The following TNIP3 variants were observed in gnomAD, a reference collection of about 807,000 sequenced individuals.
TNIP3 encodes TNFAIP3-interacting protein 3.
TNIP3 carries 34 observed loss-of-function variants against 54.1 expected under a neutral mutation model. The ratio of observed to expected loss-of-function variants is 0.63; its 90% CI spans 0.48 to 0.84. The LOEUF is 0.84. Among genes scored for constraint, TNIP3 ranks in the 40% least tolerant of loss-of-function variants. The probability of loss-of-function intolerance (pLI) is 0.00; values close to 1 mark genes in which losing one functional copy is unlikely to be tolerated. For synonymous variants in TNIP3, 134 were observed against 136.8 expected, an observed-to-expected ratio of 0.98 and a Z score of 0.14; for missense variants, 366 against 387.6, an observed-to-expected ratio of 0.94 and a Z score of 0.47.
chr4:121,150,199 A>T lies in TNIP3; in HGVS notation c.513T>A (p.Asn171Lys), dbSNP rs200989681. 1 of 1,613,226 alleles carries T rather than the reference A, an allele frequency of 6.2e-7. No individual in the cohort carries two copies. Residue 171 changes from asparagine (N) to lysine (K), a missense_variant, in exon 6 of 11, where the codon AAT becomes AAA. Coordinates refer to ENST00000057513, the MANE Select transcript of TNIP3 (RefSeq NM_024873.6). ...AGTCCTCGGAAAATGAACACTTGATATTCAAGGCATCCTGAAGAGCCTACG... is the reference window on the plus strand; with the variant it reads ...AGTCCTCGGAAAATGAACACTTGATTTTCAAGGCATCCTGAAGAGCCTACG... ...RLNKALQDAL[N>K]IKCSFSEDCL...
upstream of TNIP3, among the ~76,000 whole-genome samples, chr4:121,218,304 A>C (rs1307674370): frequency 6.6e-6 from 1 of 152,200 alleles, no homozygotes; most frequent in Non-Finnish European, 1.5e-5. Flanking sequence ...ATTTACAAAT[A>C]ATATCTTAGA....
upstream of TNIP3, among the ~76,000 whole-genome samples, chr4:121,165,010 A>G (rs116321961): frequency 0.02 from 3,008 of 152,172 alleles, 85 homozygotes; most frequent in African/African-American, 0.063. Context: ...TTGGAGCTGC[A>G]TAAGTGAACT....
At chr4:121,202,830 C>A (rs560808230) in intron 2 of TNIP3, among the ~76,000 whole-genome samples, 1 of 152,146 alleles carries the variant, frequency 6.6e-6, no homozygotes, top group African/African-American at 2.4e-5. Context: ...AAACAATGCT[C>A]AATTCACTAA....
intron 3 of TNIP3, among the ~76,000 whole-genome samples, chr4:121,176,026 A>G (rs1724307297): frequency 6.6e-6 from 1 of 152,190 alleles, no homozygotes; most frequent in Non-Finnish European, 1.5e-5. Context: ...TAATGAATGG[A>G]AGGAGAAATA....
intron 3 of TNIP3, chr4:121,182,638 G>A: frequency 6.5e-7 from 1 of 1,531,642 alleles, no homozygotes; most frequent in Non-Finnish European, 8.7e-7. Context: ...ACTGCTGAAG[G>A]GTACATCGAG....
intron 9 of TNIP3, among the ~76,000 whole-genome samples, chr4:121,140,819 C>T (rs979820711): frequency 2.6e-5 from 4 of 152,166 alleles, no homozygotes; most frequent in African/African-American, 7.2e-5. Flanking sequence ...CCCGCAATAA[C>T]ATGAAAAGAC....
chr4:121,161,231 A>C lies in TNIP3; in HGVS notation c.67-15T>G. Reference sequence around the variant, plus strand: ...GGTTCAGCACACTTAGAAAAAAAAAAAGAGAGAAGATTGAAACAAAGCTGT... The same window carrying C: ...GGTTCAGCACACTTAGAAAAAAAAACAGAGAGAAGATTGAAACAAAGCTGT... On this transcript the variant is annotated splice_polypyrimidine_tract_variant and intron_variant, in intron 1 of 10. Transcript: ENST00000057513. 6.5e-7 allele frequency: 1 copy of C among 1,543,174 alleles called. No homozygotes were observed. The highest frequency in any genetic ancestry group is 8.7e-7 in the Non-Finnish European group (1 of 1,143,854).
chr4:121,179,851 G>A (rs1049013878), intron 3 of TNIP3, among the ~76,000 whole-genome samples: 3 of 151,914 alleles, frequency 2.0e-5, no homozygotes, highest in African/African-American at 7.3e-5. Context: ...AGATATAGCA[G>A]GAAATATATT....
chr4:121,154,768 G>A, intron 4 of TNIP3, 89 bp from the exon 5 acceptor site: 1 of 1,229,276 alleles, frequency 8.1e-7, no homozygotes. Flanking sequence ...AGCCATGGCA[G>A]GCAGATTGAG....
At chr4:121,164,990 T>C (rs1180409537), upstream of TNIP3, among the ~76,000 whole-genome samples, 4 of 151,820 alleles carry the variant, frequency 2.6e-5, no homozygotes, top group African/African-American at 4.8e-5. Context: ...AGCGTGGAAA[T>C]GGCAGATACT....
chr4:121,222,034 C>T (rs1222473903), intron 1 of TNIP3, among the ~76,000 whole-genome samples: 1 of 152,084 alleles, frequency 6.6e-6, no homozygotes, highest in Non-Finnish European at 1.5e-5. Context: ...CCCTGAATGT[C>T]GATCACCAGC....
At chr4:121,223,836 A>C (rs112804823) in intron 1 of TNIP3, among the ~76,000 whole-genome samples, 5,064 of 152,302 alleles carry the variant, frequency 0.033, 290 homozygotes, top group African/African-American at 0.12. Flanking sequence ...ATTTCCATCA[A>C]ATTTTCAGCA....
intron 8 of TNIP3, 139 bp downstream of exon 8, chr4:121,142,587 C>A: frequency 1.3e-6 from 1 of 741,892 alleles, no homozygotes; most frequent in Non-Finnish European, 2.3e-6. Flanking sequence ...ACTGTCTATC[C>A]GTTGATGGTG....
intron 2 of TNIP3, among the ~76,000 whole-genome samples, chr4:121,186,484 C>A (rs948185959): frequency 1.3e-5 from 2 of 152,172 alleles, no homozygotes; most frequent in African/African-American, 2.4e-5. Context: ...CATTGTGATG[C>A]AGTAGAAAAT....
At chr4:121,178,981 G>C (rs750843511) in intron 3 of TNIP3, among the ~76,000 whole-genome samples, 20 of 152,188 alleles carry the variant, frequency 1.3e-4, no homozygotes, top group Non-Finnish European at 2.2e-4. Context: ...AAAGATGTAG[G>C]ACAAAGCAGG....
intron 4 of TNIP3, 144 bp downstream of exon 4, chr4:121,156,950 T>C (rs1292336697): frequency 1.0e-6 from 1 of 1,001,662 alleles, no homozygotes; most frequent in Admixed American, 2.3e-5. Context: ...CTTGGGGACT[T>C]GCGTAACCCA....
Position 121,141,827 on chromosome 4 carries a change from G to C in TNIP3, c.874C>G (p.Arg292Gly), listed in dbSNP as rs376189789. The change falls in exon 9 of 11, where the codon CGG (arginine) becomes GGG (glycine). Residue 292 changes from arginine to glycine, a missense_variant. Coordinates refer to ENST00000057513, the MANE Select transcript of TNIP3 (RefSeq NM_024873.6). ...GCACTCTTACTTACTGGGTGCTCCCGTTGCTTCTGCACAGCTCCAGGGCCT... is the reference window on the plus strand; with the variant it reads ...GCACTCTTACTTACTGGGTGCTCCCCTTGCTTCTGCACAGCTCCAGGGCCT... Reference protein sequence around the residue: ...PTGPGAVQKQREHPPDYQWYA... With the variant: ...PTGPGAVQKQGEHPPDYQWYA... 7 of 1,542,500 alleles carry C rather than the reference G, an allele frequency of 4.5e-6. No homozygotes were observed. Among genetic ancestry groups the C allele is most frequent in the Non-Finnish European group, 8.7e-7 (1 of 1,143,912 alleles).
At chr4:121,183,274 C>T (rs1579455974) in intron 2 of TNIP3, among the ~76,000 whole-genome samples, 2 of 152,202 alleles carry the variant, frequency 1.3e-5, no homozygotes, top group African/African-American at 4.8e-5. Context: ...CTGCCTCAAC[C>T]ATTTTTGCTG....
At chr4:121,226,212 G>C (rs994928498) in intron 1 of TNIP3, among the ~76,000 whole-genome samples, 5 of 151,890 alleles carry the variant, frequency 3.3e-5, no homozygotes, top group Admixed American at 2.0e-4. Flanking sequence ...GACAGGAAAA[G>C]AGACAGAGGC....
Sources: allele counts gnomAD v4.1 joint callset (sites outside exome capture counted in the v4.1 genomes callset), GRCh38; gene constraint gnomAD v4.1.1; transcripts MANE v1.5; gene names NCBI Gene and HGNC (gene_info 2026-07-23, HGNC 2026-07-21).